Variants in RALGAPA2 observed in about 807,000 individuals in gnomAD.
The protein encoded by RALGAPA2 is ral GTPase-activating protein subunit alpha-2.
Under a neutral mutation model 230.4 loss-of-function variants are expected in RALGAPA2, and 139 were observed. The observed-to-expected ratio is 0.60, with a 90% CI of 0.53 to 0.69. The LOEUF is 0.69. Among genes scored for constraint, RALGAPA2 ranks in the 30% least tolerant of loss-of-function variants. The pLI is 0.00. For synonymous variants in RALGAPA2, 847 were observed against 837.8 expected (o/e 1.01, Z -0.19); for missense variants, 2,163 against 2,276.0 (o/e 0.95, Z 1.01).
intron 6 of RALGAPA2, 120 bp from the exon 7 acceptor site, chr20:20,640,020 T>C (rs1288499832): frequency 1.4e-6 from 1 of 721,420 alleles, no homozygotes; most frequent in African/African-American, 1.8e-5. Flanking sequence ...CAGCTCACAC[T>C]GAGGAGCACA....
chr20:20,481,350 C>A (rs73289146), intron 36 of RALGAPA2, among the ~76,000 whole-genome samples: 1,531 of 152,338 alleles, frequency 0.01, 21 homozygotes, highest in African/African-American at 0.035. Flanking sequence ...CAATGAACAA[C>A]TGAACTCTGT....
chr20:20,540,560 T>C (rs2042492183), intron 24 of RALGAPA2, among the ~76,000 whole-genome samples: 1 of 152,202 alleles, frequency 6.6e-6, no homozygotes, highest in Non-Finnish European at 1.5e-5. Context: ...ATTTCATCCT[T>C]TCTGAATTTT....
chr20:20,709,405 C>T (rs1441710246), intron 1 of RALGAPA2, among the ~76,000 whole-genome samples: 1 of 151,926 alleles, frequency 6.6e-6, no homozygotes, highest in African/African-American at 2.4e-5. Flanking sequence ...GGAGATTACT[C>T]GAGCCAGGGA....
In RALGAPA2 at chr20:20,398,325, G is replaced by A. The variant is rs1373325044; in HGVS notation, c.5618-1591C>T. Among the ~76,000 whole-genome samples the A allele has an allele frequency of 6.6e-6, 1 of 152,224 alleles. No individual in the cohort carries two copies. Among genetic ancestry groups the A allele is most frequent in the Non-Finnish European group, 1.5e-5 (1 of 68,044 alleles). On this transcript the variant is annotated intron_variant, in intron 38 of 39. Transcript: ENST00000202677. This position sits in a 1 kb window ranked among gnomAD's most constrained non-coding sequence, Gnocchi z 4.5. ...AGCAGATGGCGCAGCTAACAATGGA[G>A]GACTTGTTTGTAATTGCTGATGAGG...
In RALGAPA2 at chr20:20,531,777, G is replaced by T; in HGVS notation, c.3492C>A (p.Ser1164=). ...NEYARCIAVC[S]LGVWICEELA... ...GCTCTTCACATATCCAGACCCCAAGGGAGCAAACAGCAATGCATCTTTTTA... is the reference window on the plus strand; with the variant it reads ...GCTCTTCACATATCCAGACCCCAAGTGAGCAAACAGCAATGCATCTTTTTA... Residue 1164 remains serine (S), a synonymous_variant, in exon 27 of 40, where the codon TCC becomes TCA. Coordinates refer to ENST00000202677, the MANE Select transcript of RALGAPA2 (RefSeq NM_020343.4). The T allele has an allele frequency of 6.2e-7, 1 of 1,603,720 alleles. No homozygotes were observed. The highest frequency in any genetic ancestry group is 8.5e-7 in the Non-Finnish European group (1 of 1,175,012).
intron 10 of RALGAPA2, among the ~76,000 whole-genome samples, chr20:20,622,949 TA>T (rs1250852337): frequency 6.6e-6 from 1 of 152,090 alleles, no homozygotes; most frequent in African/African-American, 2.4e-5. Flanking sequence ...GTACTGAGGG[TA>T]AAAGTTGAAA....
At chr20:20,396,160 C>T (rs2059711244) in intron 39 of RALGAPA2, among the ~76,000 whole-genome samples, 1 of 152,228 alleles carries the variant, frequency 6.6e-6, no homozygotes, top group Non-Finnish European at 1.5e-5. Flanking sequence ...AGACCGCAGC[C>T]CATTCCTAGG....
intron 3 of RALGAPA2, among the ~76,000 whole-genome samples, chr20:20,655,361 G>C (rs2067553207): frequency 1.3e-5 from 2 of 152,092 alleles, no homozygotes; most frequent in South Asian, 2.1e-4. Context: ...ACAGACGTTT[G>C]CACGAAATAT....
intron 11 of RALGAPA2, among the ~76,000 whole-genome samples, chr20:20,619,701 T>C (rs2066263007): frequency 6.6e-6 from 1 of 152,214 alleles, no homozygotes. Context: ...TTAAAATGAA[T>C]GATAATTTGC....
intron 36 of RALGAPA2, among the ~76,000 whole-genome samples, chr20:20,492,039 C>T (rs1311909613): frequency 6.6e-6 from 1 of 151,972 alleles, no homozygotes; most frequent in Non-Finnish European, 1.5e-5. Context: ...AATGAAAAAG[C>T]GAAATATGTT....
chr20:20,474,233 A>G (rs2061600902), intron 36 of RALGAPA2, among the ~76,000 whole-genome samples: 1 of 152,218 alleles, frequency 6.6e-6, no homozygotes, highest in South Asian at 2.1e-4. Flanking sequence ...CAGGCAGAGT[A>G]ACAGCACAGG....
Position 20,524,847 on chromosome 20 carries a change from C to T in RALGAPA2, c.3745G>A (p.Val1249Met). 1 of 1,607,526 alleles carries T rather than the reference C, an allele frequency of 6.2e-7. No individual in the cohort carries two copies. The change falls in exon 29 of 40, where the codon GTG (valine) becomes ATG (methionine). Residue 1249 changes from valine to methionine, a missense_variant. By Grantham distance (21) the Val-to-Met change is conservative. Transcript: ENST00000202677. ...CCACCTACCTTCTTGTCTGTTTCCA[C>T]TGAGGAGTACTCTGCACTTGGTAAA... ...FLLPSAEYSS[V>M]ETDKKFIVSL...
Position 20,392,460 on chromosome 20 carries a change from T to C in RALGAPA2, c.*829A>G, listed in dbSNP as rs934813050. 6.6e-6 allele frequency: 1 copy of C among 151,896 alleles called. No homozygotes were observed. The highest frequency in any genetic ancestry group is 1.5e-5 in the Non-Finnish European group (1 of 68,174). The allele number at this position is 151,896 out of a possible 1,614,324, so 9.4% of individuals were successfully genotyped here. A position where few individuals can be genotyped will look rare whatever the true frequency, so the allele number is the denominator to read the frequency against. ...GCATGCGCCTTTTGTGTGGATGTGG[T>C]CTGTGTTGTTTTGAGCCTTGGGACA... is the stretch of plus-strand genomic sequence containing the variant. On this transcript the variant is annotated 3_prime_UTR_variant, in exon 40 of 40. Coordinates refer to ENST00000202677, the MANE Select transcript of RALGAPA2 (RefSeq NM_020343.4).
intron 1 of RALGAPA2, among the ~76,000 whole-genome samples, chr20:20,690,969 C>T (rs1568759302): frequency 6.6e-6 from 1 of 152,292 alleles, no homozygotes; most frequent in Non-Finnish European, 1.5e-5. Flanking sequence ...ACTGTCTTCA[C>T]TCCTGGTGGT....
chr20:20,408,179 G>A (rs2059984644), intron 38 of RALGAPA2, among the ~76,000 whole-genome samples: 2 of 152,210 alleles, frequency 1.3e-5, no homozygotes, highest in South Asian at 2.1e-4. Flanking sequence ...TGGGTATTCC[G>A]AGAAGAACCA....
chr20:20,641,462 T>C lies in RALGAPA2; in HGVS notation c.373-584A>G, dbSNP rs184924170. 7.8e-4 allele frequency among the ~76,000 whole-genome samples: 119 copies of C among 152,284 alleles called. 1 individual carries two copies. The highest frequency in any genetic ancestry group is 3.6e-3 in the Admixed American group (55 of 15,302). Reference sequence around the variant, plus strand: ...AATAACCTCAATGAGACAGAGCAGCTCTTCTTATACCTTATGTCCCTATTC... The same window carrying C: ...AATAACCTCAATGAGACAGAGCAGCCCTTCTTATACCTTATGTCCCTATTC... On this transcript the variant is annotated intron_variant, in intron 5 of 39. Coordinates refer to ENST00000202677, the MANE Select transcript of RALGAPA2 (RefSeq NM_020343.4).
chr20:20,548,377 T>A (rs780497762), intron 23 of RALGAPA2, among the ~76,000 whole-genome samples: 4 of 152,206 alleles, frequency 2.6e-5, no homozygotes, highest in Non-Finnish European at 5.9e-5. Flanking sequence ...TTTTTTTCTT[T>A]ACATGGGTCT....
chr20:20,603,654 C>T (rs1294381853), intron 15 of RALGAPA2, among the ~76,000 whole-genome samples: 9 of 152,214 alleles, frequency 5.9e-5, no homozygotes, highest in African/African-American at 2.2e-4. Context: ...GACAGCCAGT[C>T]AACCCGTAAA....
chr20:20,543,130 C>T (rs987150298), intron 24 of RALGAPA2, among the ~76,000 whole-genome samples: 20 of 152,002 alleles, frequency 1.3e-4, no homozygotes, highest in African/African-American at 4.1e-4. Flanking sequence ...CTGCAATCTC[C>T]GCCTCCCAGG....
Sources: allele counts gnomAD v4.1 joint callset (sites outside exome capture counted in the v4.1 genomes callset), GRCh38; gene constraint gnomAD v4.1.1; non-coding constraint Gnocchi (gnomAD v3.1); transcripts MANE v1.5; gene names NCBI Gene and HGNC (gene_info 2026-07-23, HGNC 2026-07-21).